SUGP2: variants seen among roughly 807,000 people sequenced by gnomAD.
SUGP2 encodes SURP and G-patch domain-containing protein 2.
SUGP2 carries 24 observed loss-of-function variants against 90.5 expected under a neutral mutation model. That is an observed-to-expected ratio of 0.27 (90% CI 0.19 to 0.37). The LOEUF is 0.37. SUGP2 is among the 10% of genes least tolerant of loss of function. The pLI is 1.00. For synonymous variants in SUGP2, 473 were observed against 513.4 expected (o/e 0.92, Z 1.06); for missense variants, 1,233 against 1,363.3 (o/e 0.90, Z 1.51).
intron 8 of SUGP2, among the ~76,000 whole-genome samples, chr19:18,996,847 C>A (rs773055016): frequency 1.3e-5 from 2 of 152,174 alleles, no homozygotes; most frequent in Non-Finnish European, 2.9e-5. Context: ...TGAGCCACTG[C>A]GCCTGGCTGA....
chr19:19,012,514 G>A (rs1487551841), intron 4 of SUGP2, among the ~76,000 whole-genome samples: 1 of 152,206 alleles, frequency 6.6e-6, no homozygotes, highest in African/African-American at 2.4e-5. Flanking sequence ...AAGCCAGTCT[G>A]CTGGCTTCAA....
chr19:19,030,629 AT>A (rs1254269574), intron 2 of SUGP2, among the ~76,000 whole-genome samples: 11 of 152,136 alleles, frequency 7.2e-5, no homozygotes, highest in Admixed American at 7.2e-4. Context: ...AGATCAAAAC[AT>A]TATCCCCTGA....
rs148651191 is a variant in SUGP2, at chr19:19,018,199, TC to T, written c.1850+909del. Among the ~76,000 whole-genome samples, 1,198 of 151,720 alleles carry T rather than the reference TC, an allele frequency of 7.9e-3. 12 individuals carry two copies. The highest frequency in any genetic ancestry group is 0.028 in the African/African-American group (1,159 of 41,360). On this transcript the variant is annotated intron_variant, in intron 4 of 10. Transcript: ENST00000452918. ...CTTTGCTGAGGTGACCTGCCTCATG[TC>T]GTGCACCTGTAATCCCAGCTACTTG... is the stretch of plus-strand genomic sequence containing the variant.
Position 19,025,556 on chromosome 19 carries a change from T to A in SUGP2, c.792A>T (p.Lys264Asn). ...KIPTVNRITP[K>N]TQGTNQIQKN... ...TCTGGATTTGGTTAGTGCCCTGAGTTTTGGGAGTAATACGATTCACGGTGG... is the reference window on the plus strand; with the variant it reads ...TCTGGATTTGGTTAGTGCCCTGAGTATTGGGAGTAATACGATTCACGGTGG... The change falls in exon 3 of 11, where the codon AAA (lysine) becomes AAT (asparagine). Residue 264 changes from lysine (K) to asparagine (N), a missense_variant. Coordinates refer to ENST00000452918, the MANE Select transcript of SUGP2 (RefSeq NM_001017392.5). The A allele has an allele frequency of 6.2e-7, 1 of 1,614,052 alleles. No homozygotes were observed. Among genetic ancestry groups the A allele is most frequent in the Middle Eastern group, 1.6e-4 (1 of 6,062 alleles).
intron 2 of SUGP2, 88 bp from the exon 3 acceptor site, chr19:19,026,314 G>C: frequency 1.5e-6 from 2 of 1,339,662 alleles, no homozygotes. Flanking sequence ...AACAGTCCAC[G>C]GATCACCAGG....
intron 2 of SUGP2, among the ~76,000 whole-genome samples, 158 bp downstream of exon 2, chr19:19,030,793 A>G (rs535367822): frequency 1.3e-5 from 2 of 152,272 alleles, no homozygotes; most frequent in South Asian, 4.1e-4. Context: ...CACAAAAAAG[A>G]AACCAAACCA....
Position 18,995,295 on chromosome 19 carries a change from G to A in SUGP2, c.2992-15C>T, listed in dbSNP as rs373211673. On this transcript the variant is annotated splice_polypyrimidine_tract_variant and intron_variant, in intron 8 of 10. Transcript: ENST00000452918. ...TCCTTGGGTTTCTGAGGAGAGAGGA[G>A]AGTCCAGGCATGTGGGCCACAGGGA... 23 of 1,595,480 alleles carry A rather than the reference G, an allele frequency of 1.4e-5. No homozygotes were observed. Among genetic ancestry groups the A allele is most frequent in the Non-Finnish European group, 1.9e-5 (22 of 1,170,936 alleles).
Position 19,025,602 on chromosome 19 carries a change from T to A in SUGP2, c.746A>T (p.Asn249Ile). ...GGTGGGTATTTTTTTTGTGCTCACA[T>A]TTCTCAATGTGACAAGTTTCCCAAC... Reference protein sequence around the residue: ...GGVGKLVTLRNVSTKKIPTVN... With the variant: ...GGVGKLVTLRIVSTKKIPTVN... Residue 249 changes from asparagine to isoleucine, a missense_variant, in exon 3 of 11, where the codon AAT (asparagine) becomes ATT (isoleucine). Coordinates refer to ENST00000452918, the MANE Select transcript of SUGP2 (RefSeq NM_001017392.5). The A allele has an allele frequency of 6.2e-7, 1 of 1,614,050 alleles. No individual in the cohort carries two copies. Among genetic ancestry groups the A allele is most frequent in the East Asian group, 2.2e-5 (1 of 44,876 alleles).
intron 7 of SUGP2, among the ~76,000 whole-genome samples, chr19:19,002,439 TC>T (rs2057874567): frequency 6.6e-6 from 1 of 151,620 alleles, no homozygotes; most frequent in Admixed American, 6.6e-5. Flanking sequence ...CAACCATGCT[TC>T]TCATATAGAG....
At position 18,995,177 on chromosome 19, in the gene SUGP2, G is replaced by C; in HGVS notation, c.3095C>G (p.Ser1032Cys). 1.2e-6 allele frequency: 2 copies of C among 1,613,344 alleles called. No homozygotes were observed. The highest frequency in any genetic ancestry group is 1.3e-5 in the African/African-American group (1 of 75,034). The change falls in exon 9 of 11, where the codon TCC becomes TGC. Residue 1032 changes from serine (S) to cysteine (C), a missense_variant. Ser to Cys is a moderately radical substitution (Grantham distance 112, BLOSUM62 -1). Around this residue, in one of 8 missense-constraint regions of SUGP2, gnomAD observed 105 missense variants for 155.2 expected, o/e 0.68. Transcript: ENST00000452918. Reference sequence around the variant, plus strand: ...CGGCTCCCTGATGCCCTTTCCGAGGGAGCCCAGGCCATGGCCCTCCTTCCA... The same window carrying C: ...CGGCTCCCTGATGCCCTTTCCGAGGCAGCCCAGGCCATGGCCCTCCTTCCA... ...MGWKEGHGLG[S>C]LGKGIREPVS...
intron 3 of SUGP2, among the ~76,000 whole-genome samples, chr19:19,023,083 T>C (rs939553896): frequency 6.6e-6 from 1 of 152,102 alleles, no homozygotes; most frequent in Non-Finnish European, 1.5e-5. Context: ...TCCTTGGCCT[T>C]TTCCTCTCCC....
At chr19:19,008,229 A>C in intron 6 of SUGP2, 88 bp downstream of exon 6, 1 of 1,137,110 alleles carries the variant, frequency 8.8e-7, no homozygotes, top group Non-Finnish European at 1.3e-6. Flanking sequence ...ACTTGAGCCC[A>C]GGAATTCAAA....
At chr19:19,029,665 G>A (rs1198448059) in intron 2 of SUGP2, among the ~76,000 whole-genome samples, 5 of 148,848 alleles carry the variant, frequency 3.4e-5, no homozygotes, top group Non-Finnish European at 5.9e-5. Flanking sequence ...GGATGGTCTC[G>A]ATCTCCTGAC....
In SUGP2 at chr19:19,004,567, T is replaced by G. The variant is rs1568396787; in HGVS notation, c.2530A>C (p.Thr844Pro). The change falls in exon 7 of 11, where the codon ACG (threonine) becomes CCG (proline). Residue 844 changes from threonine to proline, a missense_variant. Thr to Pro is a conservative substitution (Grantham distance 38). Coordinates refer to ENST00000452918, the MANE Select transcript of SUGP2 (RefSeq NM_001017392.5). The stretch of plus-strand genomic sequence containing the variant: ...GTGTGAAGGTTGTGCGGAGATGACG[T>G]GAAACAAATTGATGGACATAGTTCA... ...VFELCPSICF[T>P]SSPHNLHTGG... 1.9e-6 allele frequency: 3 copies of G among 1,614,218 alleles called. No individual in the cohort carries two copies. The highest frequency in any genetic ancestry group is 1.7e-6 in the Non-Finnish European group (2 of 1,180,042).
intron 3 of SUGP2, among the ~76,000 whole-genome samples, chr19:19,021,839 G>T (rs2058739379): frequency 6.6e-6 from 1 of 151,464 alleles, no homozygotes; most frequent in Non-Finnish European, 1.5e-5. Flanking sequence ...GCTAATTTTT[G>T]ATTTTTAGTA....
intron 8 of SUGP2, among the ~76,000 whole-genome samples, chr19:18,999,861 G>A (rs1199350234): frequency 1.3e-5 from 2 of 152,110 alleles, no homozygotes; most frequent in African/African-American, 2.4e-5. Context: ...CCTGGCTCCA[G>A]GTCAGTGAAT....
At chr19:19,020,236 T>G (rs2058670661) in intron 3 of SUGP2, among the ~76,000 whole-genome samples, 1 of 151,692 alleles carries the variant, frequency 6.6e-6, no homozygotes, top group African/African-American at 2.4e-5. Flanking sequence ...GAGACCAGCC[T>G]GGCTAACACG....
In SUGP2 at chr19:18,995,264, T is replaced by C; in HGVS notation, c.3008A>G (p.Asp1003Gly). ...ATCGGTCAGCTTCTGCTGGGCGAAG[T>C]CCAAGTCCTTGGGTTTCTGAGGAGA... ...MSKKKKPKDL[D>G]FAQQKLTDKN... Residue 1003 changes from aspartate to glycine, a missense_variant, in exon 9 of 11, where the codon GAC becomes GGC. Transcript: ENST00000452918. The C allele has an allele frequency of 6.2e-7, 1 of 1,609,406 alleles. No homozygotes were observed. Among genetic ancestry groups the C allele is most frequent in the East Asian group, 2.2e-5 (1 of 44,852 alleles).
chr19:19,002,217 TA>T (rs989731831), intron 7 of SUGP2, among the ~76,000 whole-genome samples: 1 of 152,012 alleles, frequency 6.6e-6, no homozygotes, highest in African/African-American at 2.4e-5. Context: ...CCGTCTCTAC[TA>T]AAAGTACAAA....
Sources: gnomAD v4.1 joint callset for allele counts (sites outside exome capture counted in the v4.1 genomes callset) on GRCh38, gnomAD v4.1.1 for gene constraint, gnomAD v4.1.1 regional missense constraint, MANE v1.5 for transcripts, NCBI Gene and HGNC (gene_info 2026-07-23, HGNC 2026-07-21) for gene names.